CD80: variants seen among roughly 807,000 people sequenced by gnomAD.
CD80 encodes CD80 molecule.
CD80 carries 13 observed loss-of-function variants against 27.1 expected under a neutral mutation model. The observed-to-expected ratio is 0.48, with a 90% CI of 0.31 to 0.76. The LOEUF is 0.76. Among genes scored for constraint, CD80 ranks in the 30% least tolerant of loss-of-function variants. The pLI is 0.04. For synonymous variants in CD80, 125 were observed against 125.5 expected, an observed-to-expected ratio of 1.00 and a Z score of 0.03; for missense variants, 277 against 347.9, an observed-to-expected ratio of 0.80 and a Z score of 1.62.
intron 4 of CD80, among the ~76,000 whole-genome samples, chr3:119,531,536 C>T (rs1174633728): frequency 3.9e-5 from 6 of 152,280 alleles, no homozygotes; most frequent in East Asian, 3.9e-4. Context: ...ACCATTGAGT[C>T]GGAGGCAGGA....
chr3:119,548,079 C>T (rs1229459664), intron 2 of CD80, among the ~76,000 whole-genome samples: 4 of 152,080 alleles, frequency 2.6e-5, no homozygotes, highest in Admixed American at 6.6e-5. Flanking sequence ...CCCCCAGGTT[C>T]AAGCAGTTCT....
At chr3:119,526,883 G>A (rs2082070308) in intron 6 of CD80, among the ~76,000 whole-genome samples, 1 of 152,072 alleles carries the variant, frequency 6.6e-6, no homozygotes, top group African/African-American at 2.4e-5. Flanking sequence ...ACTGTTTAGG[G>A]AGGCTTATAA....
At chr3:119,548,821 G>A (rs918489935) in intron 2 of CD80, among the ~76,000 whole-genome samples, 6 of 152,112 alleles carry the variant, frequency 3.9e-5, no homozygotes, top group African/African-American at 1.4e-4. Context: ...CAGATCACGA[G>A]GTCAGGAGTT....
chr3:119,544,250 A>G, intron 3 of CD80: 4 of 383,292 alleles, frequency 1.0e-5, no homozygotes, highest in Non-Finnish European at 1.4e-5. Context: ...GTTAGTAGCA[A>G]GGCTACATCA....
At position 119,537,286 on chromosome 3, in the gene CD80, G is replaced by T; in HGVS notation, c.551C>A (p.Ala184Asp). 5.0e-6 allele frequency: 8 copies of T among 1,614,070 alleles called. No individual in the cohort carries two copies. The highest frequency in any genetic ancestry group is 6.8e-6 in the Non-Finnish European group (8 of 1,180,000). ...ATCTTGGGAAACTGTTGTGTTGATG[G>T]CATTTAATTCTTCTCCATTTTCCAA... ...SWLENGEELNAINTTVSQDPE... is the reference protein window; with the variant it reads ...SWLENGEELNDINTTVSQDPE... The change falls in exon 4 of 7, where the codon GCC becomes GAC. Residue 184 changes from alanine (A) to aspartate (D), a missense_variant. By Grantham distance (126) the Ala-to-Asp change is moderately radical. Transcript: ENST00000264246.
intron 2 of CD80, among the ~76,000 whole-genome samples, chr3:119,549,507 T>TTAG (rs2082219718): frequency 1.3e-5 from 2 of 152,208 alleles, no homozygotes; most frequent in Non-Finnish European, 2.9e-5. Flanking sequence ...CTGTATCCCC[T>TTAG]GGAGCCACAC....
In CD80 at chr3:119,544,549, C is replaced by T; in HGVS notation, c.418+1G>A. 6.2e-7 allele frequency: 1 copy of T among 1,612,184 alleles called. No individual in the cohort carries two copies. Among genetic ancestry groups the T allele is most frequent in the Non-Finnish European group, 8.5e-7 (1 of 1,178,378 alleles). ...GAGTAAAATCAGAAAATCCCACCAA[C>T]CTTTGACTGATAACGTCACTTCAGC... On this transcript the variant is annotated splice_donor_variant, in intron 3 of 6. Transcript: ENST00000264246. LOFTEE classifies it high-confidence loss of function.
Position 119,524,350 on chromosome 3 carries a change from G to A in CD80, c.*1438C>T, listed in dbSNP as rs2082051589. On this transcript the variant is annotated 3_prime_UTR_variant, in exon 7 of 7. Coordinates refer to ENST00000264246, the MANE Select transcript of CD80 (RefSeq NM_005191.4). ...CCTTAGTATTGCTGACAAAGTATCTGCTGTAGAATACAGGAATTACTTAGA... is the reference window on the plus strand; with the variant it reads ...CCTTAGTATTGCTGACAAAGTATCTACTGTAGAATACAGGAATTACTTAGA... 6.6e-6 allele frequency: 1 copy of A among 152,372 alleles called. No individual in the cohort carries two copies. Among genetic ancestry groups the A allele is most frequent in the African/African-American group, 2.4e-5 (1 of 41,592 alleles). The allele number at this position is 152,372 out of a possible 1,614,324, so 9.4% of individuals were successfully genotyped here. A position where few individuals can be genotyped will look rare whatever the true frequency, so the allele number is the denominator to read the frequency against.
intron 3 of CD80, among the ~76,000 whole-genome samples, chr3:119,537,767 A>G (rs565846082): frequency 2.2e-4 from 34 of 152,204 alleles, no homozygotes; most frequent in Non-Finnish European, 4.4e-5. Context: ...GTACGACTTC[A>G]CTCCAGCCTG....
At chr3:119,540,851 C>T (rs982397829) in intron 3 of CD80, among the ~76,000 whole-genome samples, 2 of 152,032 alleles carry the variant, frequency 1.3e-5, no homozygotes, top group African/African-American at 2.4e-5. Context: ...GAGTTTGAGA[C>T]CACCCTGGAC....
At chr3:119,534,182 C>A (rs1046505981) in intron 4 of CD80, among the ~76,000 whole-genome samples, 10 of 151,938 alleles carry the variant, frequency 6.6e-5, no homozygotes, top group Non-Finnish European at 1.5e-4. Flanking sequence ...CCAGCCTGAC[C>A]AACATGGTGA....
At chr3:119,543,828 G>C (rs1044842339) in intron 3 of CD80, among the ~76,000 whole-genome samples, 4 of 150,956 alleles carry the variant, frequency 2.6e-5, no homozygotes, top group African/African-American at 9.7e-5. Context: ...ATAATAGTAA[G>C]ATAGCCATAG....
chr3:119,537,663 G>A (rs181754105), intron 3 of CD80, among the ~76,000 whole-genome samples: 2 of 152,192 alleles, frequency 1.3e-5, no homozygotes, highest in East Asian at 1.9e-4. Context: ...TTAACCAGGC[G>A]TGGTGGCAGG....
chr3:119,543,163 G>A (rs746299444), intron 3 of CD80, among the ~76,000 whole-genome samples: 5 of 152,308 alleles, frequency 3.3e-5, no homozygotes, highest in East Asian at 1.9e-4. Context: ...CCGGTCTCCC[G>A]CACAGCCAGT....
chr3:119,548,729 C>T (rs1279698480), intron 2 of CD80, among the ~76,000 whole-genome samples: 1 of 152,104 alleles, frequency 6.6e-6, no homozygotes, highest in Non-Finnish European at 1.5e-5. Flanking sequence ...CCACTGAGCC[C>T]TTTTGCTATA....
intron 1 of CD80, among the ~76,000 whole-genome samples, chr3:119,558,737 G>A (rs1444450707): frequency 7.0e-6 from 1 of 143,164 alleles, no homozygotes; most frequent in Non-Finnish European, 1.5e-5. Context: ...CTGCACTCCA[G>A]CCTAGGCGAC....
chr3:119,555,692 C>T (rs2082260497), intron 2 of CD80, among the ~76,000 whole-genome samples: 1 of 152,198 alleles, frequency 6.6e-6, no homozygotes, highest in Non-Finnish European at 1.5e-5. Flanking sequence ...GTTTGTTGGC[C>T]ACACTTTAAC....
At chr3:119,552,744 T>C (rs2082240820) in intron 2 of CD80, among the ~76,000 whole-genome samples, 1 of 152,084 alleles carries the variant, frequency 6.6e-6, no homozygotes, top group Admixed American at 6.6e-5. Context: ...TAAAAGCGAA[T>C]GGAGTACTAA....
At chr3:119,545,082 G>A (rs1351982104) in intron 2 of CD80, among the ~76,000 whole-genome samples, 1 of 152,128 alleles carries the variant, frequency 6.6e-6, no homozygotes, top group African/African-American at 2.4e-5. Flanking sequence ...GGTGGCTCAC[G>A]CCTGTAATCC....
Sources: allele counts gnomAD v4.1 joint callset (sites outside exome capture counted in the v4.1 genomes callset), GRCh38; gene constraint gnomAD v4.1.1; transcripts MANE v1.5; gene names NCBI Gene and HGNC (gene_info 2026-07-23, HGNC 2026-07-21).